Variants in SPIRE1 observed in about 807,000 individuals in gnomAD.
SPIRE1 encodes spire type actin nucleation factor 1.
A neutral mutation model predicts 94.1 loss-of-function variants in SPIRE1; 40 were observed. The observed-to-expected ratio is 0.43, with a 90% CI of 0.33 to 0.55. The LOEUF (loss-of-function observed/expected upper bound fraction) is 0.55, where lower values mean the gene tolerates loss of function less well. Ranked by LOEUF, SPIRE1 falls within the 20% of genes least tolerant of loss-of-function variation. SPIRE1 has a pLI of 0.06. For synonymous variants in SPIRE1, 376 were observed against 371.7 expected, an observed-to-expected ratio of 1.01 and a Z score of -0.13; for missense variants, 838 against 975.2, an observed-to-expected ratio of 0.86 and a Z score of 1.87.
At chr18:12,571,232 G>A (rs1645225918) in intron 2 of SPIRE1, among the ~76,000 whole-genome samples, 1 of 151,940 alleles carries the variant, frequency 6.6e-6, no homozygotes, top group East Asian at 1.9e-4. Flanking sequence ...CAGCCACTAC[G>A]CTCGGCTAAT....
In SPIRE1 at chr18:12,614,628, C is replaced by T. The variant is rs2037232059; in HGVS notation, c.372+20434G>A. On this transcript the variant is annotated intron_variant, in intron 2 of 16. Coordinates refer to ENST00000409402, the MANE Select transcript of SPIRE1 (RefSeq NM_001128626.2). ...GTCAGGAGTTCAAGACCAGCATGGC[C>T]AACATGGTGAAACCCCGTCTCTACT... 4.6e-5 allele frequency among the ~76,000 whole-genome samples: 7 copies of T among 151,552 alleles called. No individual in the cohort carries two copies. In the South Asian group the frequency reaches 1.5e-3, roughly 32 times the overall value.
intron 1 of SPIRE1, among the ~76,000 whole-genome samples, chr18:12,639,009 T>C (rs866121389): frequency 6.6e-6 from 1 of 152,188 alleles, no homozygotes; most frequent in African/African-American, 2.4e-5. Context: ...AATGGACTAA[T>C]ATATCTCCAT....
chr18:12,454,682 G>A (rs890453503), intron 12 of SPIRE1, among the ~76,000 whole-genome samples, 199 bp from the exon 13 acceptor site: 1 of 151,806 alleles, frequency 6.6e-6, no homozygotes, highest in Non-Finnish European at 1.5e-5. Context: ...CAGAAAACAT[G>A]TGGGGACCAA....
At chr18:12,465,023 CATTTT>C in intron 10 of SPIRE1, 65 bp from the exon 11 acceptor site, 2 of 1,358,138 alleles carry the variant, frequency 1.5e-6, no homozygotes, top group Non-Finnish European at 2.1e-6. Context: ...TACGTAATAA[CATTTT>C]ATTATTAAAC....
At chr18:12,584,217 T>G (rs2036332091) in intron 2 of SPIRE1, among the ~76,000 whole-genome samples, 1 of 151,576 alleles carries the variant, frequency 6.6e-6, no homozygotes. Context: ...ATCATTTGAG[T>G]TCAGGAGTTT....
At chr18:12,588,878 T>C (rs2144576236) in intron 2 of SPIRE1, among the ~76,000 whole-genome samples, 1 of 152,318 alleles carries the variant, frequency 6.6e-6, no homozygotes, top group Non-Finnish European at 1.5e-5. Flanking sequence ...TCAGAAGTTT[T>C]CTTCCAATAA....
At chr18:12,658,218 C>G (rs1251030374), upstream of SPIRE1, 1 of 553,964 alleles carries the variant, frequency 1.8e-6, no homozygotes, top group South Asian at 1.5e-5. Context: ...GAGGACCAGG[C>G]AGGAGGGCCT....
chr18:12,504,198 C>T (rs896271965), intron 6 of SPIRE1, among the ~76,000 whole-genome samples: 2 of 147,396 alleles, frequency 1.4e-5, no homozygotes, highest in Non-Finnish European at 3.0e-5. Flanking sequence ...GCCACTTAAA[C>T]CAATTTACTA....
chr18:12,496,112 G>C lies in SPIRE1; in HGVS notation c.973-10C>G. ...GAATATCACCATTCACCTAAAAGGA[G>C]ACAAAAAGCAGAAGATTCATGTGAC... On this transcript the variant is annotated splice_polypyrimidine_tract_variant and intron_variant, in intron 6 of 16. Coordinates refer to ENST00000409402, the MANE Select transcript of SPIRE1 (RefSeq NM_001128626.2). The C allele has an allele frequency of 2.5e-6, 4 of 1,594,224 alleles. No homozygotes were observed. The South Asian group carries it at 4.4e-5, about 18-fold the overall frequency.
intron 4 of SPIRE1, among the ~76,000 whole-genome samples, chr18:12,519,064 T>C (rs965509905): frequency 1.3e-5 from 2 of 152,182 alleles, no homozygotes; most frequent in Admixed American, 1.3e-4. Context: ...CTTAAAGATA[T>C]AACACGCTTC....
At chr18:12,527,881 A>T (rs998274403) in intron 4 of SPIRE1, among the ~76,000 whole-genome samples, 6 of 152,102 alleles carry the variant, frequency 3.9e-5, no homozygotes, top group Admixed American at 1.3e-4. Context: ...CCTGGCTAAC[A>T]CGGTGAAACC....
At position 12,546,762 on chromosome 18, in the gene SPIRE1, T is replaced by A. The variant is rs1167583237; in HGVS notation, c.515A>T (p.Glu172Val). 6.2e-7 allele frequency: 1 copy of A among 1,614,150 alleles called. No homozygotes were observed. The highest frequency in any genetic ancestry group is 8.5e-7 in the Non-Finnish European group (1 of 1,180,016). The change falls in exon 3 of 17, where the codon GAG (glutamate) becomes GTG (valine). Residue 172 changes from glutamate to valine, a missense_variant. Glu to Val is a moderately radical substitution (Grantham distance 121, BLOSUM62 -2). Transcript: ENST00000409402. ...GCCTTCTTCTGCAGCCTCATAGCCC[T>A]CATCATTGCTACCGTCAGCTTCCAC... ...NTVEADGSND[E>V]GYEAAEEGLG...
At chr18:12,634,271 A>T (rs8090047) in intron 2 of SPIRE1, among the ~76,000 whole-genome samples, 125,199 of 147,756 alleles carry the variant, frequency 0.85, 52,761 homozygotes, top group Middle Eastern at 0.89. Flanking sequence ...AAAAAAAAAA[A>T]AATAATAATA....
intron 12 of SPIRE1, among the ~76,000 whole-genome samples, chr18:12,458,339 C>T (rs2031620357): frequency 6.6e-6 from 1 of 151,604 alleles, no homozygotes; most frequent in Non-Finnish European, 1.5e-5. Context: ...AGGCCAGGCG[C>T]AGTGGCTCAC....
chr18:12,539,128 A>G (rs180804390), intron 3 of SPIRE1, among the ~76,000 whole-genome samples: 4 of 152,348 alleles, frequency 2.6e-5, no homozygotes, highest in Non-Finnish European at 4.4e-5. Context: ...ACTACGTACC[A>G]GGCACTGTGG....
intron 4 of SPIRE1, among the ~76,000 whole-genome samples, chr18:12,519,664 G>C (rs2034304997): frequency 6.6e-6 from 1 of 151,956 alleles, no homozygotes; most frequent in African/African-American, 2.4e-5. Context: ...AATGAACAAA[G>C]GAAATGAACA....
intron 2 of SPIRE1, among the ~76,000 whole-genome samples, chr18:12,614,537 G>A (rs926517710): frequency 3.3e-5 from 5 of 152,076 alleles, no homozygotes; most frequent in Non-Finnish European, 4.4e-5. Flanking sequence ...GAAACTAAGC[G>A]GGAAGCAGTG....
upstream of SPIRE1, among the ~76,000 whole-genome samples, chr18:12,661,063 T>A (rs1181196199): frequency 6.6e-6 from 1 of 152,012 alleles, no homozygotes; most frequent in Non-Finnish European, 1.5e-5. Context: ...ATCCCAGCAG[T>A]TTGGGAGGCC....
chr18:12,618,077 G>T (rs72879379), intron 2 of SPIRE1, among the ~76,000 whole-genome samples: 16,097 of 151,892 alleles, frequency 0.11, 1,209 homozygotes, highest in South Asian at 0.31. Context: ...TAGATAACAG[G>T]TTCAAACTAT....
Sources: gnomAD v4.1 joint callset for allele counts (sites outside exome capture counted in the v4.1 genomes callset) on GRCh38, gnomAD v4.1.1 for gene constraint, MANE v1.5 for transcripts, NCBI Gene and HGNC (gene_info 2026-07-23, HGNC 2026-07-21) for gene names.